Variants in TFEB observed in about 807,000 individuals in gnomAD.
The protein encoded by TFEB is T-cell transcription factor EB.
A neutral mutation model predicts 48.0 loss-of-function variants in TFEB; 12 were observed. The ratio of observed to expected loss-of-function variants is 0.25; its 90% confidence interval spans 0.16 to 0.40. The LOEUF (loss-of-function observed/expected upper bound fraction) is 0.40. TFEB is among the 10% of genes least tolerant of loss of function. TFEB has a pLI of 1.00. For missense variants in TFEB, 509 were observed against 640.3 expected, an observed-to-expected ratio of 0.79 and a Z score of 2.21; for synonymous variants, 244 against 261.4, an observed-to-expected ratio of 0.93 and a Z score of 0.64.
chr6:41,707,602 C>T (rs985514248), intron 1 of TFEB, among the ~76,000 whole-genome samples: 1 of 152,146 alleles, frequency 6.6e-6, no homozygotes, highest in Non-Finnish European at 1.5e-5. Flanking sequence ...TCTTTTAATT[C>T]TTCCCATTCC....
At chr6:41,717,159 T>C (rs1770773930) in intron 1 of TFEB, among the ~76,000 whole-genome samples, 1 of 152,210 alleles carries the variant, frequency 6.6e-6, no homozygotes, top group Non-Finnish European at 1.5e-5. Flanking sequence ...CTTCATTTCA[T>C]GTCTCACCTG....
intron 1 of TFEB, among the ~76,000 whole-genome samples, chr6:41,699,902 T>C (rs531822040): frequency 6.6e-6 from 1 of 152,310 alleles, no homozygotes; most frequent in Non-Finnish European, 1.5e-5. Context: ...ATGCATAGAT[T>C]TGTAGTGTAC....
Position 41,690,581 on chromosome 6 carries a change from C to T in TFEB, c.468+82G>A, listed in dbSNP as rs1769249196. ...CTCCCTGAAGGCACCCCTGCCTCTG[C>T]CATTAGACTGGGAGTCTCAGAAGCA... On this transcript the variant is annotated intron_variant, in intron 3 of 8. Transcript: ENST00000373033. The T allele has an allele frequency of 2.8e-6, 4 of 1,416,334 alleles. No homozygotes were observed. In the African/African-American group the frequency reaches 5.7e-5, roughly 20 times the overall value. 87.7% of individuals were successfully genotyped at this position (1,416,334 alleles called of 1,614,324 possible).
At chr6:41,701,295 C>T (rs1769909252) in intron 1 of TFEB, among the ~76,000 whole-genome samples, 3 of 152,218 alleles carry the variant, frequency 2.0e-5, no homozygotes. Flanking sequence ...CCTGCACCCG[C>T]CTCCTGGGCA....
At chr6:41,686,413 C>G in intron 7 of TFEB, 176 bp from the exon 8 acceptor site, 2 of 654,138 alleles carry the variant, frequency 3.1e-6, no homozygotes, top group South Asian at 4.3e-5. Flanking sequence ...CTGGTGACTT[C>G]TGTTGCCACT....
chr6:41,712,355 G>A (rs1056318563), intron 1 of TFEB, among the ~76,000 whole-genome samples: 5 of 152,124 alleles, frequency 3.3e-5, no homozygotes, highest in Admixed American at 6.5e-5. Context: ...AGAGGGCACC[G>A]TGCCTTTTCC....
At position 41,690,935 on chromosome 6, in the gene TFEB, C is replaced by A; in HGVS notation, c.214-18G>T. 6.4e-7 allele frequency: 1 copy of A among 1,572,568 alleles called. No homozygotes were observed. Among genetic ancestry groups the A allele is most frequent in the South Asian group, 1.2e-5 (1 of 85,242 alleles). On this transcript the variant is annotated intron_variant, in intron 2 of 8. Transcript: ENST00000373033. ...GACTGCACCTGGGAGGGGGAAAAGG[C>A]AAGGGCTCTAGGGGAGGCTGGGACT...
intron 1 of TFEB, among the ~76,000 whole-genome samples, chr6:41,705,426 A>G (rs1169930041): frequency 6.6e-6 from 1 of 152,184 alleles, no homozygotes; most frequent in East Asian, 1.9e-4. Flanking sequence ...GGGGGTAATC[A>G]GCAGAGTGGA....
chr6:41,714,115 G>A (rs1008564048), intron 1 of TFEB, among the ~76,000 whole-genome samples: 18 of 143,218 alleles, frequency 1.3e-4, no homozygotes, highest in Non-Finnish European at 2.6e-4. Context: ...GTGCACGTGT[G>A]TGTGTGTGTG....
chr6:41,715,254 A>G (rs1338307225), intron 1 of TFEB, among the ~76,000 whole-genome samples: 1 of 152,132 alleles, frequency 6.6e-6, no homozygotes, highest in Non-Finnish European at 1.5e-5. Flanking sequence ...CAGCTTAGGG[A>G]GAGCTAGGAC....
At position 41,723,828 on chromosome 6, in the gene TFEB, C is replaced by T. The variant is rs1053509143; in HGVS notation, c.-23+11522G>A. 3 of 427,580 alleles carry T rather than the reference C, an allele frequency of 7.0e-6. No individual in the cohort carries two copies. The Admixed American group carries it at 7.8e-5, about 11-fold the overall frequency. The allele number at this position is 427,580 out of a possible 1,614,324, so 26.5% of individuals were successfully genotyped here. A position where few individuals can be genotyped will look rare whatever the true frequency, so the allele number is the denominator to read the frequency against. On this transcript the variant is annotated intron_variant, in intron 1 of 8. Transcript: ENST00000373033. This position sits in a 1 kb window ranked among gnomAD's most constrained non-coding sequence, Gnocchi z 6.0. ...GGCCGCCCTGACCCCAGCCTGACCT[C>T]AGAGGGCCCTAGGCAGATGGAGAGA...
Position 41,691,330 on chromosome 6 carries a change from C to A in TFEB, c.-22-95G>T. On this transcript the variant is annotated intron_variant, in intron 1 of 8. Coordinates refer to ENST00000373033, the MANE Select transcript of TFEB (RefSeq NM_001271944.2). This position sits in a 1 kb window ranked among gnomAD's most constrained non-coding sequence, Gnocchi z 5.2. Reference sequence around the variant, plus strand: ...GAGGCCAGAATGACTGGGACCGCATCCATTTTAGAGGAGAAGACACCGAGC... The same window carrying A: ...GAGGCCAGAATGACTGGGACCGCATACATTTTAGAGGAGAAGACACCGAGC... 1 of 1,267,282 alleles carries A rather than the reference C, an allele frequency of 7.9e-7. No individual in the cohort carries two copies. Among genetic ancestry groups the A allele is most frequent in the Non-Finnish European group, 1.1e-6 (1 of 888,712 alleles). 78.5% of individuals were successfully genotyped at this position (1,267,282 alleles called of 1,614,324 possible).
chr6:41,723,376 C>G lies in TFEB; in HGVS notation c.-23+11974G>C. The stretch of plus-strand genomic sequence containing the variant: ...GCACATACACTCACACAGATGCACA[C>G]AGGCTAACACACATGGACACACATT... On this transcript the variant is annotated intron_variant, in intron 1 of 8. Transcript: ENST00000373033. This position sits in a 1 kb window ranked among gnomAD's most constrained non-coding sequence, Gnocchi z 6.0. 1.1e-6 allele frequency: 1 copy of G among 895,594 alleles called. No homozygotes were observed. Among genetic ancestry groups the G allele is most frequent in the Non-Finnish European group, 1.6e-6 (1 of 631,440 alleles). The allele number at this position is 895,594 out of a possible 1,614,324, so 55.5% of individuals were successfully genotyped here.
chr6:41,702,525 C>T (rs1312283198), intron 1 of TFEB, among the ~76,000 whole-genome samples: 1 of 152,122 alleles, frequency 6.6e-6, no homozygotes, highest in East Asian at 1.9e-4. Context: ...ACTGAAACTC[C>T]ACTTGCCCCA....
intron 1 of TFEB, among the ~76,000 whole-genome samples, chr6:41,729,035 C>A (rs1205641563): frequency 6.6e-6 from 1 of 152,042 alleles, no homozygotes; most frequent in Non-Finnish European, 1.5e-5. Flanking sequence ...ACAGCAAACC[C>A]CTGTGCCCAG....
intron 1 of TFEB, among the ~76,000 whole-genome samples, chr6:41,707,042 C>A (rs550383133): frequency 9.9e-5 from 15 of 152,278 alleles, no homozygotes; most frequent in African/African-American, 3.6e-4. Flanking sequence ...GGGCTCCATG[C>A]CCTCCTGCCT....
chr6:41,732,580 CCA>C (rs1334277367), intron 1 of TFEB: 2 of 985,774 alleles, frequency 2.0e-6, no homozygotes, highest in Non-Finnish European at 2.4e-6. Context: ...GACACTTTAA[CCA>C]CACACACAAA....
At chr6:41,727,047 C>T (rs1771241716) in intron 1 of TFEB, among the ~76,000 whole-genome samples, 1 of 152,162 alleles carries the variant, frequency 6.6e-6, no homozygotes, top group African/African-American at 2.4e-5. Context: ...CTACCATAGC[C>T]TCTTTCACCC....
chr6:41,736,186 T>A (rs1176806383), upstream of TFEB: 1 of 1,612,920 alleles, frequency 6.2e-7, no homozygotes, highest in Non-Finnish European at 8.5e-7. Flanking sequence ...AGAAATTGTC[T>A]GAGCTCCTTT....
Sources: allele counts gnomAD v4.1 joint callset (sites outside exome capture counted in the v4.1 genomes callset), GRCh38; gene constraint gnomAD v4.1.1; non-coding constraint Gnocchi (gnomAD v3.1); transcripts MANE v1.5; gene names NCBI Gene and HGNC (gene_info 2026-07-23, HGNC 2026-07-21).